The following PRKG1 variants were observed in gnomAD, a reference collection of about 807,000 sequenced individuals.
The protein encoded by PRKG1 is protein kinase cGMP-dependent 1.
PRKG1 carries 35 observed loss-of-function variants against 88.1 expected under a neutral mutation model. The observed-to-expected ratio is 0.40, with a 90% CI of 0.30 to 0.53. The LOEUF (loss-of-function observed/expected upper bound fraction) is 0.53. Ranked by LOEUF, PRKG1 falls within the 20% of genes least tolerant of loss-of-function variation. The pLI is 0.59. For missense variants in PRKG1, 540 were observed against 839.8 expected (o/e 0.64, Z 4.41); for synonymous variants, 303 against 292.5 (o/e 1.04, Z -0.37).
At chr10:52,046,112 AT>A (rs559588539) in intron 5 of PRKG1, among the ~76,000 whole-genome samples, 3 of 152,158 alleles carry the variant, frequency 2.0e-5, no homozygotes, top group South Asian at 2.1e-4. Flanking sequence ...TACTATTGTG[AT>A]TTTTTTGTGA....
chr10:51,580,625 T>C (rs1838006653), intron 3 of PRKG1, among the ~76,000 whole-genome samples: 1 of 152,186 alleles, frequency 6.6e-6, no homozygotes, highest in African/African-American at 2.4e-5. Context: ...TAGCTTAATA[T>C]ACTTAAACAG....
intron 2 of PRKG1, among the ~76,000 whole-genome samples, chr10:51,237,157 C>T (rs1421521209): frequency 6.6e-6 from 1 of 152,200 alleles, no homozygotes; most frequent in African/African-American, 2.4e-5. Context: ...GGCAAGTCAT[C>T]CCTGTAATTC....
intron 7 of PRKG1, among the ~76,000 whole-genome samples, chr10:52,118,905 A>G (rs945145707): frequency 5.3e-5 from 8 of 152,078 alleles, no homozygotes; most frequent in Non-Finnish European, 7.4e-5. Context: ...ATAATTTTGC[A>G]TATTTCTTTT....
chr10:51,074,967 TTG>T (rs1843909047), intron 1 of PRKG1, 66 bp downstream of exon 1: 7 of 1,484,598 alleles, frequency 4.7e-6, no homozygotes, highest in Non-Finnish European at 6.3e-6. Context: ...GGTCTCTGTA[TTG>T]TCTGTCGGCC....
In PRKG1 at chr10:51,528,863, C is replaced by T. The variant is rs1244280521; in HGVS notation, c.592+61027C>T. ...ATTAGAAGCCTTGAAACAATAGTTC[C>T]ACATATCTTGTCCCCAATGTAAATG... On this transcript the variant is annotated intron_variant, in intron 3 of 17. Transcript: ENST00000373980. Among the ~76,000 whole-genome samples the T allele has an allele frequency of 5.9e-5, 9 of 152,020 alleles. No individual in the cohort carries two copies. The East Asian group carries it at 1.7e-3, about 29-fold the overall frequency.
At chr10:51,361,847 T>C (rs1842487448) in intron 2 of PRKG1, among the ~76,000 whole-genome samples, 1 of 151,928 alleles carries the variant, frequency 6.6e-6, no homozygotes, top group African/African-American at 2.4e-5. Flanking sequence ...ATTTCATTAA[T>C]TCTAATCAAT....
At chr10:51,922,683 A>C (rs1438569099) in intron 5 of PRKG1, among the ~76,000 whole-genome samples, 1 of 151,738 alleles carries the variant, frequency 6.6e-6, no homozygotes, top group Admixed American at 6.6e-5. Context: ...GTGTTGTTTA[A>C]TTTCCATTAC....
chr10:51,187,102 T>C (rs1168877038), intron 2 of PRKG1, among the ~76,000 whole-genome samples: 1 of 151,560 alleles, frequency 6.6e-6, no homozygotes, highest in Non-Finnish European at 1.5e-5. Flanking sequence ...CTTAATATTG[T>C]TCTAATTATT....
intron 5 of PRKG1, among the ~76,000 whole-genome samples, chr10:51,954,111 TTA>T (rs1441078593): frequency 4.6e-5 from 7 of 152,148 alleles, no homozygotes; most frequent in Non-Finnish European, 8.8e-5. Context: ...ATAAATGTAG[TTA>T]TATAAAAAAG....
intron 4 of PRKG1, among the ~76,000 whole-genome samples, chr10:51,821,551 A>G (rs1839745962): frequency 6.6e-6 from 1 of 152,136 alleles, no homozygotes; most frequent in Admixed American, 6.6e-5. Flanking sequence ...TTTTAATCAA[A>G]TAAAATACCA....
At chr10:51,970,709 C>A (rs28668340) in intron 5 of PRKG1, among the ~76,000 whole-genome samples, 60 of 137,372 alleles carry the variant, frequency 4.4e-4, no homozygotes, top group African/African-American at 1.6e-3. Context: ...GATATATCAT[C>A]TGATATATAT....
intron 3 of PRKG1, among the ~76,000 whole-genome samples, chr10:51,804,322 G>A (rs1309890326): frequency 6.6e-6 from 1 of 152,114 alleles, no homozygotes; most frequent in East Asian, 1.9e-4. Context: ...CAACCCCCAA[G>A]GGTCATAGAG....
chr10:52,149,682 A>C (rs114918393), intron 8 of PRKG1, among the ~76,000 whole-genome samples: 2,640 of 152,216 alleles, frequency 0.017, 55 homozygotes, highest in Middle Eastern at 0.061. Flanking sequence ...TTGATCGTGG[A>C]CTTCCAGCCT....
chr10:51,508,229 G>A (rs553666179), intron 3 of PRKG1, among the ~76,000 whole-genome samples: 1 of 152,274 alleles, frequency 6.6e-6, no homozygotes, highest in South Asian at 2.1e-4. Flanking sequence ...TATTGATATT[G>A]TCAGTATAAA....
chr10:51,782,299 C>T (rs1838612347), intron 3 of PRKG1, among the ~76,000 whole-genome samples: 2 of 152,090 alleles, frequency 1.3e-5, no homozygotes, highest in Admixed American at 1.3e-4. Context: ...CATGGGTTAT[C>T]AGGTTGTAGC....
intron 3 of PRKG1, among the ~76,000 whole-genome samples, chr10:51,721,182 C>A (rs1390034563): frequency 6.7e-6 from 1 of 149,306 alleles, no homozygotes; most frequent in African/African-American, 2.5e-5. Flanking sequence ...CCACTGCACT[C>A]CAGCCTCTGG....
chr10:51,563,025 C>T (rs1284276358), intron 3 of PRKG1, among the ~76,000 whole-genome samples: 1 of 152,086 alleles, frequency 6.6e-6, no homozygotes, highest in Non-Finnish European at 1.5e-5. Context: ...AGTGATCCTC[C>T]CACCTTGGCC....
chr10:51,063,157 A>G (rs1843711557), intron 1 of PRKG1, among the ~76,000 whole-genome samples: 2 of 152,106 alleles, frequency 1.3e-5, no homozygotes, highest in Non-Finnish European at 2.9e-5. Context: ...ATGATTTCCT[A>G]TTTTTCCTTG....
At chr10:52,053,715 T>TGACTG (rs1044563384) in intron 5 of PRKG1, among the ~76,000 whole-genome samples, 1 of 152,224 alleles carries the variant, frequency 6.6e-6, no homozygotes, top group Non-Finnish European at 1.5e-5. Context: ...ACTGATATAC[T>TGACTG]GACTGTGATA....
Sources: gnomAD v4.1 joint callset for allele counts (sites outside exome capture counted in the v4.1 genomes callset) on GRCh38, gnomAD v4.1.1 for gene constraint, MANE v1.5 for transcripts, NCBI Gene and HGNC (gene_info 2026-07-23, HGNC 2026-07-21) for gene names.